DAB2IP: variants seen among roughly 807,000 people sequenced by gnomAD.
DAB2IP encodes the protein DAB2 interacting protein, also known as disabled homolog 2-interacting protein.
In DAB2IP, 28 loss-of-function variants were observed where a neutral mutation model predicts 107.2. The ratio of observed to expected loss-of-function variants is 0.26; its 90% CI spans 0.19 to 0.36. DAB2IP has a LOEUF of 0.36. DAB2IP is among the 10% of genes least tolerant of loss of function. The pLI is 1.00. For synonymous variants in DAB2IP, 755 were observed against 706.4 expected (o/e 1.07, Z -1.09); for missense variants, 1,400 against 1,644.7 (o/e 0.85, Z 2.57).
intron 3 of DAB2IP, among the ~76,000 whole-genome samples, chr9:121,707,550 C>T (rs1428392509): frequency 6.6e-6 from 1 of 152,142 alleles, no homozygotes; most frequent in South Asian, 2.1e-4. Flanking sequence ...CAAGCAGGGC[C>T]CTTGTTTTCA....
chr9:121,713,842 C>T (rs930230774), intron 3 of DAB2IP, among the ~76,000 whole-genome samples: 6 of 152,202 alleles, frequency 3.9e-5, no homozygotes, highest in African/African-American at 1.4e-4. Context: ...CACTTCCATT[C>T]TGGTCCCAAA....
chr9:121,718,985 G>A (rs191742137), intron 3 of DAB2IP, among the ~76,000 whole-genome samples: 26 of 152,276 alleles, frequency 1.7e-4, no homozygotes, highest in African/African-American at 6.0e-4. Context: ...CACTCCACCT[G>A]GTAGCAAGGG....
rs1255936839 is a variant in DAB2IP at position 121,760,494 on chromosome 9, C to T, written c.1170+55C>T. The T allele has an allele frequency of 6.7e-7, 1 of 1,499,500 alleles. No individual in the cohort carries two copies. The highest frequency in any genetic ancestry group is 8.9e-7 in the Non-Finnish European group (1 of 1,128,358). The allele number at this position is 1,499,500 out of a possible 1,614,324, so 92.9% of individuals were successfully genotyped here. ...AGGCTGGGCGGCAGCACTGGGTTAC[C>T]TGCCCTTCCTCACATCCGTACATTT... On this transcript the variant is annotated intron_variant, in intron 6 of 15. Transcript: ENST00000408936. The surrounding 1 kb of genome is among the most constrained non-coding windows in gnomAD (Gnocchi z 5.9).
chr9:121,614,341 T>TTC (rs1554849187), intron 1 of DAB2IP, among the ~76,000 whole-genome samples: 1 of 137,820 alleles, frequency 7.3e-6, no homozygotes, highest in East Asian at 2.3e-4. Flanking sequence ...TCTTTTCTTT[T>TTC]TTTTTTTTTT....
exon 16 of DAB2IP, chr9:121,783,326 G>A: frequency 7.0e-7 from 1 of 1,428,162 alleles, no homozygotes. Context: ...CCAGAGATCT[G>A]GGCGGATCTG....
At chr9:121,778,441 C>T (rs898368743) in intron 14 of DAB2IP, among the ~76,000 whole-genome samples, 1 of 152,136 alleles carries the variant, frequency 6.6e-6, no homozygotes, top group Non-Finnish European at 1.5e-5. Context: ...ATGGTTCTGC[C>T]TTTTTATTGG....
At chr9:121,770,490 C>T (rs1485938334) in intron 10 of DAB2IP, 56 bp from the exon 11 acceptor site, 28 of 1,573,880 alleles carry the variant, frequency 1.8e-5, no homozygotes, top group Admixed American at 1.2e-4. Context: ...GCAGCACATA[C>T]AGCCTACCCA....
intron 11 of DAB2IP, among the ~76,000 whole-genome samples, chr9:121,770,969 A>G (rs1329417655): frequency 6.6e-6 from 1 of 152,180 alleles, no homozygotes; most frequent in East Asian, 1.9e-4. Flanking sequence ...CATTGGTGGA[A>G]AAGGCATTCT....
exon 2 of DAB2IP, chr9:121,678,734 A>G (rs1213259850): frequency 1.3e-6 from 2 of 1,598,746 alleles, no homozygotes; most frequent in Non-Finnish European, 1.7e-6. Context: ...CCTTTCCGAG[A>G]AGAGCCCCAG....
chr9:121,646,954 T>C (rs149228992), upstream of DAB2IP, among the ~76,000 whole-genome samples: 18 of 152,126 alleles, frequency 1.2e-4, no homozygotes, highest in Admixed American at 2.6e-4. Context: ...GAAATAACCA[T>C]CTGCCTCCTA....
intron 1 of DAB2IP, among the ~76,000 whole-genome samples, chr9:121,592,807 T>A (rs1460102660): frequency 6.6e-6 from 1 of 152,204 alleles, no homozygotes; most frequent in African/African-American, 2.4e-5. Flanking sequence ...CTGCAGGCTC[T>A]GTCGCCCCTA....
At chr9:121,584,644 C>T (rs1380855158) in intron 1 of DAB2IP, among the ~76,000 whole-genome samples, 2 of 152,154 alleles carry the variant, frequency 1.3e-5, no homozygotes, top group African/African-American at 2.4e-5. Flanking sequence ...GATCAGGAAT[C>T]TGAAAGTAGG....
chr9:121,638,351 C>A lies in DAB2IP; in HGVS notation c.41-40327C>A, dbSNP rs182259366. ...ATATGCTATATTTTAATGTCAGGGA[C>A]TTGAGCGTGCTTGGATTTTGGTATC... is the stretch of plus-strand genomic sequence containing the variant. On this transcript the variant is annotated intron_variant, in intron 1 of 16. Coordinates refer to the DAB2IP transcript ENST00000259371. Among the ~76,000 whole-genome samples, 557 of 152,222 alleles carry A rather than the reference C, an allele frequency of 3.7e-3. 3 individuals are homozygous for A. The highest frequency in any genetic ancestry group is 3.6e-3 in the Non-Finnish European group (246 of 68,020).
intron 1 of DAB2IP, among the ~76,000 whole-genome samples, chr9:121,571,344 T>C (rs978471734): frequency 6.6e-6 from 1 of 152,150 alleles, no homozygotes; most frequent in Non-Finnish European, 1.5e-5. Flanking sequence ...ATCCAACAAA[T>C]GCTTGTTGAA....
intron 1 of DAB2IP, among the ~76,000 whole-genome samples, chr9:121,659,651 G>A (rs1317869917): frequency 1.3e-5 from 2 of 152,004 alleles, no homozygotes; most frequent in Admixed American, 6.6e-5. Context: ...AAAATTAGCC[G>A]GGCGTGGTGG....
rs544819488 is a variant in DAB2IP, at chr9:121,698,774, G to C, written c.229-551G>C. Among the ~76,000 whole-genome samples, 62 of 152,312 alleles carry C rather than the reference G, an allele frequency of 4.1e-4. No individual in the cohort carries two copies. The highest frequency in any genetic ancestry group is 1.6e-3 in the Admixed American group (25 of 15,306). ...AGCCGACCACGCGCCCGCTCTCATC[G>C]GTACCACCGAGGGCTGGAGAGCAGC... On this transcript the variant is annotated intron_variant, in intron 2 of 15. Coordinates refer to ENST00000408936, the Ensembl canonical transcript of DAB2IP. This position sits in a 1 kb window ranked among gnomAD's most constrained non-coding sequence, Gnocchi z 4.1.
chr9:121,678,614 G>C, intron 1 of DAB2IP, 64 bp from the exon 2 acceptor site: 1 of 1,315,266 alleles, frequency 7.6e-7, no homozygotes. Flanking sequence ...GGGAGTGGCA[G>C]GAGGCCCTAG....
intron 1 of DAB2IP, among the ~76,000 whole-genome samples, chr9:121,663,801 G>C (rs1039627776): frequency 6.6e-6 from 1 of 152,228 alleles, no homozygotes; most frequent in Admixed American, 6.5e-5. Context: ...GGCCAGGCGC[G>C]AACTCAGCTT....
rs764880185 is a variant in DAB2IP, at chr9:121,766,746, C to T, written c.1697+16C>T. Reference sequence around the variant, plus strand: ...ACTTTGCCAAGTGAGTGCCTCCTCCCTCACCAGGCAGAGTTGGGCAGGGCT... The same window carrying T: ...ACTTTGCCAAGTGAGTGCCTCCTCCTTCACCAGGCAGAGTTGGGCAGGGCT... On this transcript the variant is annotated intron_variant, in intron 9 of 15. Coordinates refer to ENST00000408936, the Ensembl canonical transcript of DAB2IP. 3.1e-6 allele frequency: 5 copies of T among 1,613,078 alleles called. No individual in the cohort carries two copies. In the East Asian group the frequency reaches 8.9e-5, roughly 29 times the overall value.
Sources: gnomAD v4.1 joint callset for allele counts (sites outside exome capture counted in the v4.1 genomes callset) on GRCh38, gnomAD v4.1.1 for gene constraint, Gnocchi (gnomAD v3.1) non-coding constraint, MANE v1.5 for transcripts, NCBI Gene and HGNC (gene_info 2026-07-23, HGNC 2026-07-21) for gene names.